The following EXPH5 variants were observed in gnomAD, a reference collection of about 807,000 sequenced individuals.
EXPH5 encodes the protein exophilin 5, also known as exophilin-5.
A neutral mutation model predicts 41.1 loss-of-function variants in EXPH5; 42 were observed. The observed-to-expected ratio is 1.02, with a 90% confidence interval of 0.80 to 1.32. The LOEUF (loss-of-function observed/expected upper bound fraction) is 1.32. EXPH5 is among the 40% of genes most tolerant of loss of function. The probability of loss-of-function intolerance (pLI) is 0.00; values close to 1 mark genes in which losing one functional copy is unlikely to be tolerated. For missense variants in EXPH5, 2,298 were observed against 2,314.5 expected (o/e 0.99, Z 0.15); for synonymous variants, 798 against 833.5 (o/e 0.96, Z 0.73).
Position 108,587,565 on chromosome 11 carries a change from A to G in EXPH5, c.119+5853T>C, listed in dbSNP as rs1472326028. 2.0e-5 allele frequency among the ~76,000 whole-genome samples: 3 copies of G among 152,354 alleles called. No homozygotes were observed. The South Asian group carries it at 6.2e-4, about 32-fold the overall frequency. On this transcript the variant is annotated intron_variant, in intron 1 of 5. Transcript: ENST00000265843. The stretch of plus-strand genomic sequence containing the variant: ...CCAACTTACCTGTGCACACATTAAC[A>G]TTGTAAAGAAAAGGACAAGGGCAGA...
In EXPH5 at chr11:108,537,255, C is replaced by T. The variant is rs145869844; in HGVS notation, c.443+1769G>A. Among the ~76,000 whole-genome samples the T allele has an allele frequency of 3.8e-3, 585 of 152,216 alleles. 1 individual carries two copies. The highest frequency in any genetic ancestry group is 0.011 in the African/African-American group (465 of 41,530). ...TCACATTCAAATTTAAAAATAAAAA[C>T]GACATGCTTTTATATTTCATCTTCT... is the stretch of plus-strand genomic sequence containing the variant. On this transcript the variant is annotated intron_variant, in intron 3 of 5. Transcript: ENST00000265843.
At chr11:108,606,699 T>C in the EXPH5 span, among the ~76,000 whole-genome samples, 1 of 152,148 alleles carries the variant, frequency 6.6e-6, no homozygotes. Context: ...CCCTGCCTGA[T>C]GACACCCTCC....
chr11:108,532,339 G>GATCTATATATATAT (rs2093843674), intron 3 of EXPH5, among the ~76,000 whole-genome samples: 1 of 23,426 alleles, frequency 4.3e-5, no homozygotes, highest in Non-Finnish European at 7.3e-5. Context: ...CACCACACTG[G>GATCTATATATATAT]ATATATATAT....
intron 4 of EXPH5, among the ~76,000 whole-genome samples, chr11:108,525,606 G>A (rs2093793448): frequency 6.6e-6 from 1 of 152,090 alleles, no homozygotes; most frequent in South Asian, 2.1e-4. Context: ...TCTTTTTTAA[G>A]TGGAAGATCA....
At chr11:108,530,092 T>C (rs995349470) in intron 3 of EXPH5, among the ~76,000 whole-genome samples, 1 of 152,258 alleles carries the variant, frequency 6.6e-6, no homozygotes, top group Admixed American at 6.5e-5. Context: ...TAACCACATG[T>C]ATTTTATAGT....
intron 1 of EXPH5, among the ~76,000 whole-genome samples, chr11:108,577,583 C>G (rs1468752984): frequency 6.6e-6 from 1 of 151,906 alleles, no homozygotes; most frequent in African/African-American, 2.4e-5. Context: ...GTCACCACGC[C>G]CGGCTAATTT....
chr11:108,597,211 T>C (rs1029974362), upstream of EXPH5, among the ~76,000 whole-genome samples: 2 of 152,070 alleles, frequency 1.3e-5, no homozygotes, highest in Non-Finnish European at 2.9e-5. Context: ...ATTTTTATTT[T>C]TCTTGAGATG....
chr11:108,562,132 A>G (rs892521139), intron 1 of EXPH5, among the ~76,000 whole-genome samples: 1 of 152,242 alleles, frequency 6.6e-6, no homozygotes, highest in Non-Finnish European at 1.5e-5. Flanking sequence ...CTGAAAGAAC[A>G]TAATGAAAAC....
At chr11:108,572,465 G>A (rs2094063954) in intron 1 of EXPH5, among the ~76,000 whole-genome samples, 1 of 152,146 alleles carries the variant, frequency 6.6e-6, no homozygotes, top group African/African-American at 2.4e-5. Context: ...ATCCTTACCA[G>A]CCCACCTGTG....
At chr11:108,589,896 T>C (rs1379807400) in intron 1 of EXPH5, among the ~76,000 whole-genome samples, 1 of 152,238 alleles carries the variant, frequency 6.6e-6, no homozygotes. Flanking sequence ...ATGAGGTTAT[T>C]GGGAGGATTA....
intron 1 of EXPH5, among the ~76,000 whole-genome samples, chr11:108,566,784 T>G (rs942900785): frequency 6.6e-6 from 1 of 152,196 alleles, no homozygotes; most frequent in Middle Eastern, 3.2e-3. Flanking sequence ...ACTAGGATCA[T>G]GCAAGTCTTC....
Position 108,513,812 on chromosome 11 carries a change from T to C in EXPH5, c.1695A>G (p.Val565=), listed in dbSNP as rs2093701604. 6 of 1,602,612 alleles carry C rather than the reference T, an allele frequency of 3.7e-6. No individual in the cohort carries two copies. The highest frequency in any genetic ancestry group is 3.4e-6 in the Non-Finnish European group (4 of 1,175,538). ...FQRSTLDSMV[V]SHGNETQLTP... ...TCAACTGGGTCTCATTACCATGTGA[T>C]ACCACCATGCTATCCAGTGTGGATC... The change falls in exon 6 of 6, where the codon GTA becomes GTG. Residue 565 remains valine, a synonymous_variant. Transcript: ENST00000265843.
chr11:108,510,548 G>A lies in EXPH5; in HGVS notation c.4959C>T (p.Ser1653=). 6.2e-7 allele frequency: 1 copy of A among 1,614,130 alleles called. No homozygotes were observed. The highest frequency in any genetic ancestry group is 8.5e-7 in the Non-Finnish European group (1 of 1,180,020). Residue 1653 remains serine (S), a synonymous_variant, in exon 6 of 6, where the codon TCC becomes TCT. Coordinates refer to ENST00000265843, the MANE Select transcript of EXPH5 (RefSeq NM_015065.3). ...TCTCACTCAACCTGCTTTCGCCAAT[G>A]GACTCTGCAGATTTTGGAGTAGGCT... ...FPEPTPKSAE[S]IGESRLSENG...
chr11:108,538,708 G>A (rs1037857689), intron 3 of EXPH5, among the ~76,000 whole-genome samples: 7 of 152,180 alleles, frequency 4.6e-5, no homozygotes, highest in African/African-American at 9.6e-5. Context: ...ATATCTTCCT[G>A]GACAGGACAT....
rs532182526 is a variant in EXPH5, at chr11:108,557,892, C to T, written c.120-16080G>A. ...TTCTCTGGACCTGCATTTCTTCACC[C>T]ACAAAATTAGGGGGTTGAACTAGAG... On this transcript the variant is annotated intron_variant, in intron 1 of 5. Coordinates refer to ENST00000265843, the MANE Select transcript of EXPH5 (RefSeq NM_015065.3). 2.6e-5 allele frequency among the ~76,000 whole-genome samples: 4 copies of T among 152,240 alleles called. No individual in the cohort carries two copies. In the South Asian group the frequency reaches 8.3e-4, roughly 32 times the overall value.
chr11:108,561,584 G>A (rs1335007643), intron 1 of EXPH5, among the ~76,000 whole-genome samples: 1 of 152,040 alleles, frequency 6.6e-6, no homozygotes, highest in African/African-American at 2.4e-5. Flanking sequence ...TTGCCTCGTG[G>A]GATCCAACAT....
chr11:108,547,459 C>T (rs2093943721), intron 1 of EXPH5, among the ~76,000 whole-genome samples: 1 of 152,112 alleles, frequency 6.6e-6, no homozygotes. Context: ...AAGTGATCCT[C>T]CCACCTTGGC....
At chr11:108,516,052 A>G (rs1476010660) in intron 5 of EXPH5, among the ~76,000 whole-genome samples, 1 of 150,234 alleles carries the variant, frequency 6.7e-6, no homozygotes, top group African/African-American at 2.5e-5. Context: ...AGCCTGGGCG[A>G]AAGAGCGAGA....
chr11:108,546,937 G>A (rs573912250), intron 1 of EXPH5, among the ~76,000 whole-genome samples: 45 of 151,836 alleles, frequency 3.0e-4, no homozygotes, highest in African/African-American at 1.1e-3. Flanking sequence ...TGAGTAGCTG[G>A]GACTACAGGC....
Sources: gnomAD v4.1 joint callset for allele counts (sites outside exome capture counted in the v4.1 genomes callset) on GRCh38, gnomAD v4.1.1 for gene constraint, MANE v1.5 for transcripts, NCBI Gene and HGNC (gene_info 2026-07-23, HGNC 2026-07-21) for gene names.